The following CRYZL1 variants were observed in gnomAD, a reference collection of about 807,000 sequenced individuals.
CRYZL1 encodes the protein crystallin zeta like 1.
CRYZL1 carries 34 observed loss-of-function variants against 50.6 expected under a neutral mutation model. The ratio of observed to expected loss-of-function variants is 0.67; its 90% CI spans 0.51 to 0.89. The LOEUF (loss-of-function observed/expected upper bound fraction) is 0.89. Ranked by LOEUF, CRYZL1 falls within the 40% of genes least tolerant of loss-of-function variation. CRYZL1 has a pLI of 0.00. For missense variants in CRYZL1, 354 were observed against 402.3 expected (o/e 0.88, Z 1.03); for synonymous variants, 125 against 134.3 (o/e 0.93, Z 0.48).
At chr21:33,612,673 T>A (rs1396264389) in intron 6 of CRYZL1, among the ~76,000 whole-genome samples, 1 of 152,212 alleles carries the variant, frequency 6.6e-6, no homozygotes, top group East Asian at 1.9e-4. Context: ...CCCTGATTAC[T>A]TAGGAGATGA....
chr21:33,610,667 G>C (rs978367693), intron 6 of CRYZL1, among the ~76,000 whole-genome samples: 14 of 151,242 alleles, frequency 9.3e-5, no homozygotes, highest in African/African-American at 2.9e-4. Flanking sequence ...TTCTCCTTCT[G>C]GTCCATGTCA....
chr21:33,640,186 G>T, intron 1 of CRYZL1: 1 of 1,547,416 alleles, frequency 6.5e-7, no homozygotes. Context: ...TAGTTCATTG[G>T]GTCTACAAAA....
At chr21:33,607,428 C>T (rs2145930191) in intron 6 of CRYZL1, among the ~76,000 whole-genome samples, 1 of 152,190 alleles carries the variant, frequency 6.6e-6, no homozygotes, top group Non-Finnish European at 1.5e-5. Flanking sequence ...CACTTGAGCT[C>T]AGGAGTTAGA....
At chr21:33,606,019 A>T (rs544412553) in intron 6 of CRYZL1, among the ~76,000 whole-genome samples, 1 of 152,268 alleles carries the variant, frequency 6.6e-6, no homozygotes, top group Non-Finnish European at 1.5e-5. Context: ...AAATGCTCAG[A>T]CAAGAGCTGA....
chr21:33,601,857 G>A (rs1170152324), intron 8 of CRYZL1, among the ~76,000 whole-genome samples: 1 of 150,698 alleles, frequency 6.6e-6, no homozygotes, highest in East Asian at 1.9e-4. Flanking sequence ...GGTCCATACT[G>A]CAGTGAGCCA....
At chr21:33,616,482 AG>A (rs2086933764) in intron 5 of CRYZL1, 2 of 566,096 alleles carry the variant, frequency 3.5e-6, no homozygotes, top group East Asian at 9.9e-5. Context: ...AGTAGAGACG[AG>A]GTTTCTCCAT....
chr21:33,635,321 G>A (rs1339002611), intron 1 of CRYZL1, among the ~76,000 whole-genome samples: 2 of 149,378 alleles, frequency 1.3e-5, no homozygotes, highest in East Asian at 2.0e-4. Flanking sequence ...AAATACATTT[G>A]CACATAGGAC....
chr21:33,591,780 AACAAGGCTCTCT>A (rs2086644909), intron 11 of CRYZL1: 2 of 152,392 alleles, frequency 1.3e-5, no homozygotes, highest in African/African-American at 2.4e-5. Context: ...CAGCTTGGGA[AACAAGGCTCTCT>A]ACAAAAAAAT....
chr21:33,632,760 T>C (rs1376616190), intron 1 of CRYZL1, among the ~76,000 whole-genome samples: 1 of 152,208 alleles, frequency 6.6e-6, no homozygotes, highest in Non-Finnish European at 1.5e-5. Flanking sequence ...GACTATTTTT[T>C]ATGCAAATTT....
chr21:33,591,169 C>T lies in CRYZL1; in HGVS notation c.943G>A (p.Val315Ile). 6.2e-7 allele frequency: 1 copy of T among 1,608,752 alleles called. No homozygotes were observed. Among genetic ancestry groups the T allele is most frequent in the East Asian group, 2.2e-5 (1 of 44,842 alleles). The stretch of plus-strand genomic sequence containing the variant: ...TTGGTTACTTTAGCGTACCTGAAAA[C>T]ACCAGTTGATAACTTCTCCATCACA... ...KDVMEKLSTG[V>I]FRPQLDEPIP... is the part of the protein sequence containing the mutation. Residue 315 changes from valine (V) to isoleucine (I), a missense_variant, in exon 12 of 13, where the codon GTT becomes ATT. Val to Ile is a conservative substitution (Grantham distance 29). Transcript: ENST00000381554.
intron 6 of CRYZL1, among the ~76,000 whole-genome samples, chr21:33,608,603 A>G (rs1022883374): frequency 6.6e-5 from 10 of 152,200 alleles, no homozygotes; most frequent in Admixed American, 2.6e-4. Flanking sequence ...TAGATTCCAC[A>G]TAGAAGTGAG....
intron 5 of CRYZL1, among the ~76,000 whole-genome samples, chr21:33,616,021 GCTGCACCCA>G (rs2086926596): frequency 6.6e-6 from 1 of 152,004 alleles, no homozygotes; most frequent in African/African-American, 2.4e-5. Flanking sequence ...ATGCTGGTGC[GCTGCACCCA>G]CTAACTCGTC....
At position 33,606,602 on chromosome 21, in the gene CRYZL1, G is replaced by T. The variant is rs888470081; in HGVS notation, c.332-3065C>A. Among the ~76,000 whole-genome samples the T allele has an allele frequency of 2.0e-5, 3 of 151,828 alleles. No individual in the cohort carries two copies. The South Asian group carries it at 6.2e-4, about 32-fold the overall frequency. On this transcript the variant is annotated intron_variant, in intron 6 of 12. Transcript: ENST00000381554. ...GATCGCGCCATTGCACTCCAGACTA[G>T]GTGACAGGGCAAGACTTTGTCTCAA...
intron 12 of CRYZL1, 82 bp from the exon 13 acceptor site, chr21:33,590,003 G>C: frequency 2.7e-6 from 2 of 752,852 alleles, no homozygotes; most frequent in Non-Finnish European, 4.4e-6. Flanking sequence ...AAATGCTAGT[G>C]CTCAAATCTA....
chr21:33,590,572 G>A (rs373209916), intron 12 of CRYZL1, among the ~76,000 whole-genome samples: 4 of 151,686 alleles, frequency 2.6e-5, no homozygotes, highest in African/African-American at 4.8e-5. Context: ...TCGCCACCAC[G>A]CTCAGCGAAT....
chr21:33,602,130 G>T, intron 8 of CRYZL1, 104 bp downstream of exon 8: 1 of 674,204 alleles, frequency 1.5e-6, no homozygotes. Flanking sequence ...GTGAGCCACT[G>T]CACCTGGCCA....
At chr21:33,601,063 A>G (rs1476230249) in intron 8 of CRYZL1, among the ~76,000 whole-genome samples, 1 of 149,760 alleles carries the variant, frequency 6.7e-6, no homozygotes, top group Non-Finnish European at 1.5e-5. Context: ...TAGCCTCCTG[A>G]GTAGCTGGGA....
At chr21:33,590,929 T>C (rs1335581583) in intron 12 of CRYZL1, among the ~76,000 whole-genome samples, 2 of 152,210 alleles carry the variant, frequency 1.3e-5, no homozygotes, top group Non-Finnish European at 2.9e-5. Flanking sequence ...TACACTTTGA[T>C]AAATATTAAA....
At chr21:33,625,749 G>T (rs967554983) in intron 2 of CRYZL1, among the ~76,000 whole-genome samples, 1 of 152,128 alleles carries the variant, frequency 6.6e-6, no homozygotes, top group Non-Finnish European at 1.5e-5. Flanking sequence ...CTCCCAAAGT[G>T]CTGGGATTAA....
Sources: allele counts gnomAD v4.1 joint callset (sites outside exome capture counted in the v4.1 genomes callset), GRCh38; gene constraint gnomAD v4.1.1; transcripts MANE v1.5; gene names NCBI Gene and HGNC (gene_info 2026-07-23, HGNC 2026-07-21).